SYT7: variants seen among roughly 807,000 people sequenced by gnomAD.
The protein encoded by SYT7 is synaptotagmin 7.
Under a neutral mutation model 75.1 loss-of-function variants are expected in SYT7, and 29 were observed. The observed-to-expected ratio is 0.39, with a 90% CI of 0.29 to 0.53. The LOEUF (loss-of-function observed/expected upper bound fraction) is 0.53. Ranked by LOEUF, SYT7 falls within the 20% of genes least tolerant of loss-of-function variation. The pLI, the probability that SYT7 is intolerant of heterozygous loss-of-function variation, is 0.77. For missense variants in SYT7, 693 were observed against 953.2 expected (o/e 0.73, Z 3.59); for synonymous variants, 376 against 401.7 (o/e 0.94, Z 0.76).
chr11:61,573,441 G>A (rs12362237), intron 1 of SYT7, among the ~76,000 whole-genome samples: 2,316 of 152,300 alleles, frequency 0.015, 27 homozygotes, highest in Middle Eastern at 0.024. Flanking sequence ...AGATCTCCTG[G>A]CAGAGGTAGG....
chr11:61,565,369 C>T (rs966889712), intron 1 of SYT7, among the ~76,000 whole-genome samples: 6 of 152,104 alleles, frequency 3.9e-5, no homozygotes, highest in African/African-American at 1.4e-4. Context: ...CTCCCCTCAA[C>T]CCAAAACACA....
chr11:61,547,027 C>A, intron 4 of SYT7, 150 bp downstream of exon 4: 1 of 1,030,572 alleles, frequency 9.7e-7, no homozygotes, highest in South Asian at 1.6e-5. Context: ...GGTCGGCCTG[C>A]CCATGGGGTG....
At chr11:61,529,929 C>A (rs908354565) in intron 8 of SYT7, among the ~76,000 whole-genome samples, 1 of 152,184 alleles carries the variant, frequency 6.6e-6, no homozygotes, top group Non-Finnish European at 1.5e-5. Context: ...GCCACACACC[C>A]GGCCTCACAC....
intron 12 of SYT7, among the ~76,000 whole-genome samples, chr11:61,519,676 G>T (rs1437714938): frequency 6.6e-6 from 1 of 152,208 alleles, no homozygotes; most frequent in African/African-American, 2.4e-5. Context: ...GCCCATGTTG[G>T]TTCCTCAAGC....
Position 61,518,752 on chromosome 11 carries a change from A to G in SYT7, c.1957-21T>C, listed in dbSNP as rs1407048189. ...TAGATCTGGGGAGAAAGGGGAGACG[A>G]TGGCATCGGCACAGGCTCCAGGGCA... On this transcript the variant is annotated intron_variant, in intron 12 of 12. Transcript: ENST00000539008. The G allele has an allele frequency of 3.3e-6, 5 of 1,512,668 alleles. No homozygotes were observed. The South Asian group carries it at 6.2e-5, about 19-fold the overall frequency. The allele number at this position is 1,512,668 out of a possible 1,614,324, so 93.7% of individuals were successfully genotyped here.
chr11:61,581,022 C>T lies in SYT7; in HGVS notation c.-202G>A, dbSNP rs996141940. On this transcript the variant is annotated 5_prime_UTR_variant, in exon 1 of 13. Transcript: ENST00000539008. Reference sequence around the variant, plus strand: ...CCCGCCCGCCCGCGGAGCACGCTGCCGCCGCCGCCGAACAGCGCCGAGCCG... The same window carrying T: ...CCCGCCCGCCCGCGGAGCACGCTGCTGCCGCCGCCGAACAGCGCCGAGCCG... 4.6e-5 allele frequency: 41 copies of T among 883,118 alleles called. No individual in the cohort carries two copies. In the African/African-American group the frequency reaches 6.4e-4, roughly 14 times the overall value. The allele number at this position is 883,118 out of a possible 1,614,324, so 54.7% of individuals were successfully genotyped here. A position where few individuals can be genotyped will look rare whatever the true frequency, so the allele number is the denominator to read the frequency against.
At chr11:61,555,541 T>A (rs2063475599) in intron 2 of SYT7, among the ~76,000 whole-genome samples, 1 of 152,146 alleles carries the variant, frequency 6.6e-6, no homozygotes. Context: ...ATCCTGCTCG[T>A]TAATTCCCCA....
rs1590904115 is a variant in SYT7 at position 61,551,249 on chromosome 11, T to C, written c.215+135A>G. 4.8e-6 allele frequency: 4 copies of C among 825,530 alleles called. No homozygotes were observed. Among genetic ancestry groups the C allele is most frequent in the African/African-American group, 1.7e-5 (1 of 58,550 alleles). 51.1% of individuals were successfully genotyped at this position (825,530 alleles called of 1,614,324 possible). A position where few individuals can be genotyped will look rare whatever the true frequency, so the allele number is the denominator to read the frequency against. On this transcript the variant is annotated intron_variant, in intron 3 of 12. Transcript: ENST00000539008. The surrounding 1 kb of genome is among the most constrained non-coding windows in gnomAD (Gnocchi z 5.3). Reference sequence around the variant, plus strand: ...TGAGTTTTTGGGGGTGTGTGGAGGGTGTAGAGAGCATGGCATCGGGGTGTG... The same window carrying C: ...TGAGTTTTTGGGGGTGTGTGGAGGGCGTAGAGAGCATGGCATCGGGGTGTG...
chr11:61,564,323 C>T (rs2063711862), intron 1 of SYT7, among the ~76,000 whole-genome samples: 1 of 152,206 alleles, frequency 6.6e-6, no homozygotes, highest in African/African-American at 2.4e-5. Flanking sequence ...CGCAAGCCCT[C>T]CCAACCTAGA....
rs185090253 is a variant in SYT7 at position 61,514,103 on chromosome 11, C to A, written c.*4524G>T. Among the ~76,000 whole-genome samples, 270 of 152,124 alleles carry A rather than the reference C, an allele frequency of 1.8e-3. 2 individuals carry two copies. Among genetic ancestry groups the A allele is most frequent in the African/African-American group, 6.1e-3 (255 of 41,490 alleles). ...AGAGCAGGCATGGACGAAGACAGAC[C>A]CAGAGAAGCAAAAATGGAGGAAGGC... is the stretch of plus-strand genomic sequence containing the variant. On this transcript the variant is annotated 3_prime_UTR_variant, in exon 13 of 13. Coordinates refer to ENST00000539008, the MANE Select transcript of SYT7 (RefSeq NM_001365809.2).
chr11:61,555,647 G>T (rs2063479555), intron 2 of SYT7, among the ~76,000 whole-genome samples: 1 of 152,216 alleles, frequency 6.6e-6, no homozygotes, highest in Non-Finnish European at 1.5e-5. Context: ...CCTCCGCATT[G>T]GCCACCGGCT....
chr11:61,569,057 T>C (rs2135416290), intron 1 of SYT7, among the ~76,000 whole-genome samples: 1 of 152,214 alleles, frequency 6.6e-6, no homozygotes, highest in Non-Finnish European at 1.5e-5. Context: ...CTAGGGGCTT[T>C]CATCTCCTGA....
intron 8 of SYT7, among the ~76,000 whole-genome samples, chr11:61,528,767 T>C (rs1465938053): frequency 6.6e-6 from 1 of 152,114 alleles, no homozygotes; most frequent in Non-Finnish European, 1.5e-5. Context: ...GCAGAATCAC[T>C]AGGGACAAGA....
intron 12 of SYT7, among the ~76,000 whole-genome samples, chr11:61,519,512 T>A (rs763613504): frequency 2.6e-5 from 4 of 152,182 alleles, no homozygotes; most frequent in Non-Finnish European, 5.9e-5. Flanking sequence ...TGGGAAAGAC[T>A]GAGAAACTGT....
chr11:61,572,339 G>A (rs1352130007), intron 1 of SYT7, among the ~76,000 whole-genome samples: 1 of 152,204 alleles, frequency 6.6e-6, no homozygotes, highest in Non-Finnish European at 1.5e-5. Flanking sequence ...AAGAGGCACT[G>A]GGACACCCTT....
intron 12 of SYT7, among the ~76,000 whole-genome samples, chr11:61,522,338 C>T (rs577842659): frequency 4.3e-4 from 65 of 151,822 alleles, no homozygotes; most frequent in African/African-American, 1.1e-3. Flanking sequence ...TACAGGCACC[C>T]GCCACCATGC....
At chr11:61,563,335 C>T (rs540194613) in intron 1 of SYT7, among the ~76,000 whole-genome samples, 50 of 152,332 alleles carry the variant, frequency 3.3e-4, no homozygotes, top group African/African-American at 1.2e-3. Flanking sequence ...TGGGCCTGAA[C>T]ACTTTACCTT....
At chr11:61,527,516 C>T (rs765849146) in intron 9 of SYT7, among the ~76,000 whole-genome samples, 5 of 152,268 alleles carry the variant, frequency 3.3e-5, no homozygotes, top group Non-Finnish European at 4.4e-5. Context: ...CTGAGTCCTA[C>T]GGGTGCCTCC....
At chr11:61,531,153 A>G (rs2062692725) in intron 8 of SYT7, 8 of 984,934 alleles carry the variant, frequency 8.1e-6, no homozygotes, top group Non-Finnish European at 9.6e-6. Flanking sequence ...TTATCTTATC[A>G]TGGCTGTTAA....
Sources: allele counts gnomAD v4.1 joint callset (sites outside exome capture counted in the v4.1 genomes callset), GRCh38; gene constraint gnomAD v4.1.1; non-coding constraint Gnocchi (gnomAD v3.1); transcripts MANE v1.5; gene names NCBI Gene and HGNC (gene_info 2026-07-23, HGNC 2026-07-21).